The following SNTG1 variants were observed in gnomAD, a reference collection of about 807,000 sequenced individuals.
SNTG1 encodes the protein gamma-1-syntrophin.
A neutral mutation model predicts 74.7 loss-of-function variants in SNTG1; 39 were observed. That is an observed-to-expected ratio of 0.52 (90% CI 0.40 to 0.68). The LOEUF is 0.68. Among genes scored for constraint, SNTG1 ranks in the 30% least tolerant of loss-of-function variants. The pLI, the probability that SNTG1 is intolerant of heterozygous loss-of-function variation, is 0.00. For synonymous variants in SNTG1, 254 were observed against 217.1 expected (o/e 1.17, Z -1.49); for missense variants, 685 against 609.5 (o/e 1.12, Z -1.30).
chr8:50,556,975 C>T (rs1302725953), intron 12 of SNTG1, among the ~76,000 whole-genome samples: 1 of 152,126 alleles, frequency 6.6e-6, no homozygotes. Flanking sequence ...CAAAGATGTC[C>T]CAACCAGAGG....
At chr8:50,653,341 A>G (rs1404111424) in intron 13 of SNTG1, among the ~76,000 whole-genome samples, 1 of 152,114 alleles carries the variant, frequency 6.6e-6, no homozygotes, top group East Asian at 1.9e-4. Context: ...CTGGGGCAAG[A>G]GGATCACTTG....
At chr8:50,710,715 T>C (rs956294873) in intron 17 of SNTG1, among the ~76,000 whole-genome samples, 1 of 152,226 alleles carries the variant, frequency 6.6e-6, no homozygotes, top group Non-Finnish European at 1.5e-5. Context: ...ACCAATGTCC[T>C]ATCTGACATT....
At chr8:50,728,675 G>A (rs2095505782) in intron 17 of SNTG1, among the ~76,000 whole-genome samples, 1 of 152,182 alleles carries the variant, frequency 6.6e-6, no homozygotes, top group Non-Finnish European at 1.5e-5. Flanking sequence ...GGGCTCATGT[G>A]TGGCCCGCAT....
At chr8:50,517,159 G>T (rs1003446796) in intron 9 of SNTG1, among the ~76,000 whole-genome samples, 4 of 152,120 alleles carry the variant, frequency 2.6e-5, no homozygotes, top group East Asian at 1.9e-4. Flanking sequence ...TTAAAGAAAA[G>T]AATTTTCAAC....
chr8:50,537,277 A>C (rs908576440), intron 11 of SNTG1, among the ~76,000 whole-genome samples: 2 of 152,124 alleles, frequency 1.3e-5, no homozygotes, highest in Admixed American at 1.3e-4. Context: ...GGCACATGCC[A>C]CCATGCCCAG....
At chr8:50,494,290 G>A (rs1240152544) in intron 8 of SNTG1, among the ~76,000 whole-genome samples, 1 of 151,822 alleles carries the variant, frequency 6.6e-6, no homozygotes, top group Non-Finnish European at 1.5e-5. Flanking sequence ...TTTCTCACTT[G>A]CTGAATTCCA....
intron 1 of SNTG1, among the ~76,000 whole-genome samples, chr8:50,041,115 C>G (rs1586015086): frequency 6.6e-6 from 1 of 152,104 alleles, no homozygotes; most frequent in African/African-American, 2.4e-5. Flanking sequence ...AGTCTGGTCT[C>G]GAGCTCCCGA....
chr8:49,930,490 A>C (rs1807470359), intron 1 of SNTG1, among the ~76,000 whole-genome samples: 1 of 75,364 alleles, frequency 1.3e-5, no homozygotes, highest in African/African-American at 3.0e-5. Context: ...CTGATGAAGG[A>C]GATATATAAT....
At chr8:49,938,544 C>CTTCTTTTCTTTTGTT (rs1554524743) in intron 1 of SNTG1, among the ~76,000 whole-genome samples, 95 of 105,128 alleles carry the variant, frequency 9.0e-4, no homozygotes, top group African/African-American at 2.0e-3. Flanking sequence ...CTTACCATGC[C>CTTCTTTTCTTTTGTT]TTCTTTTCTT....
At chr8:50,557,934 C>T (rs1394521465) in intron 12 of SNTG1, among the ~76,000 whole-genome samples, 1 of 152,184 alleles carries the variant, frequency 6.6e-6, no homozygotes, top group Non-Finnish European at 1.5e-5. Context: ...CCCAGAGCTT[C>T]TTGCAGTTCA....
At chr8:50,718,203 TGAAG>T (rs2095479373) in intron 17 of SNTG1, among the ~76,000 whole-genome samples, 2 of 151,676 alleles carry the variant, frequency 1.3e-5, no homozygotes, top group Admixed American at 1.3e-4. Flanking sequence ...AGGCACACGG[TGAAG>T]GAAGATTGAA....
intron 18 of SNTG1, among the ~76,000 whole-genome samples, chr8:50,768,768 A>T (rs2095619909): frequency 3.3e-5 from 5 of 152,104 alleles, no homozygotes; most frequent in Admixed American, 2.6e-4. Context: ...TTAATAGCAC[A>T]GGTCCTGCAT....
intron 1 of SNTG1, among the ~76,000 whole-genome samples, chr8:50,155,898 T>C (rs1237388550): frequency 3.3e-5 from 5 of 151,248 alleles, no homozygotes; most frequent in African/African-American, 1.2e-4. Context: ...GTTAGAATTG[T>C]AAAAGAAAAT....
At chr8:50,254,634 T>TCAGG (rs1228468000) in intron 2 of SNTG1, among the ~76,000 whole-genome samples, 1 of 152,030 alleles carries the variant, frequency 6.6e-6, no homozygotes, top group Non-Finnish European at 1.5e-5. Context: ...TTACTTGAGG[T>TCAGG]CAGGAGCTTG....
chr8:50,271,672 A>G (rs866251428), intron 2 of SNTG1, among the ~76,000 whole-genome samples: 3 of 152,304 alleles, frequency 2.0e-5, no homozygotes, highest in Middle Eastern at 3.4e-3. Context: ...AGAGAGGTAG[A>G]GAGTACATTC....
chr8:50,765,422 G>C (rs1382517942), intron 18 of SNTG1, among the ~76,000 whole-genome samples: 2 of 151,942 alleles, frequency 1.3e-5, no homozygotes, highest in Non-Finnish European at 2.9e-5. Context: ...ATATGACACA[G>C]AGAGGCAAAC....
rs893437614 is a variant in SNTG1, at chr8:50,794,270, T to C, written c.*1441T>C. 1 of 151,900 alleles carries C rather than the reference T, an allele frequency of 6.6e-6. No homozygotes were observed. Among genetic ancestry groups the C allele is most frequent in the African/African-American group, 2.4e-5 (1 of 41,414 alleles). 9.4% of individuals were successfully genotyped at this position (151,900 alleles called of 1,614,324 possible). A position where few individuals can be genotyped will look rare whatever the true frequency, so the allele number is the denominator to read the frequency against. On this transcript the variant is annotated 3_prime_UTR_variant, in exon 19 of 19. Coordinates refer to ENST00000642720, the MANE Select transcript of SNTG1 (RefSeq NM_018967.5). ...AAAATCACTCAAGAAGGAAACAAAG[T>C]GATTTCTATAAAGGACAGATTTACT...
At chr8:50,711,218 G>A (rs1339596103) in intron 17 of SNTG1, among the ~76,000 whole-genome samples, 1 of 152,048 alleles carries the variant, frequency 6.6e-6, no homozygotes, top group Non-Finnish European at 1.5e-5. Flanking sequence ...TTTGTCTAAT[G>A]TTTTATTAAA....
At chr8:50,328,990 G>A (rs943911712) in intron 2 of SNTG1, among the ~76,000 whole-genome samples, 30 of 152,252 alleles carry the variant, frequency 2.0e-4, no homozygotes, top group African/African-American at 7.0e-4. Context: ...ATTCCAAATG[G>A]GAGAAATTGG....
Sources: allele counts gnomAD v4.1 joint callset (sites outside exome capture counted in the v4.1 genomes callset), GRCh38; gene constraint gnomAD v4.1.1; transcripts MANE v1.5; gene names NCBI Gene and HGNC (gene_info 2026-07-23, HGNC 2026-07-21).